RNF121: variants seen among roughly 807,000 people sequenced by gnomAD.
The protein encoded by RNF121 is E3 ubiquitin ligase RNF121.
In RNF121, 21 loss-of-function variants were observed where a neutral mutation model predicts 46.5. That is an observed-to-expected ratio of 0.45 (90% CI 0.32 to 0.65). The LOEUF (loss-of-function observed/expected upper bound fraction) is 0.65, where lower values mean the gene tolerates loss of function less well. Ranked by LOEUF, RNF121 falls within the 30% of genes least tolerant of loss-of-function variation. The probability of loss-of-function intolerance (pLI) is 0.04; values close to 1 mark genes in which losing one functional copy is unlikely to be tolerated. For synonymous variants in RNF121, 139 were observed against 144.7 expected (o/e 0.96, Z 0.28); for missense variants, 346 against 416.0 (o/e 0.83, Z 1.46).
chr11:71,968,884 C>T (rs377257567), intron 3 of RNF121, among the ~76,000 whole-genome samples: 8 of 66,988 alleles, frequency 1.2e-4, no homozygotes, highest in Middle Eastern at 9.3e-3. Flanking sequence ...TTTTTTCTTT[C>T]TTTCTTTTTT....
intron 1 of RNF121, among the ~76,000 whole-genome samples, chr11:71,932,958 C>T (rs185584471): frequency 1.8e-3 from 267 of 152,274 alleles, no homozygotes; most frequent in African/African-American, 5.9e-3. Context: ...TGGGCCTAGC[C>T]AGCTCAGCTC....
rs141501635 is a variant in RNF121 at position 71,960,819 on chromosome 11, C to T, written c.171C>T (p.Ile57=). 2.5e-6 allele frequency: 4 copies of T among 1,614,186 alleles called. No homozygotes were observed. The African/African-American group carries it at 5.3e-5, about 22-fold the overall frequency. ...CTATGCATGCTGAAATGGTCCTCAT[C>T]CTCATCGCAACCTTGGTGGTGGCCC... The part of the protein sequence containing the change: ...HEAMHAEMVL[I]LIATLVVAQL... The change falls in exon 3 of 9, where the codon ATC becomes ATT. Residue 57 remains isoleucine (I), a synonymous_variant. Transcript: ENST00000361756.
intron 1 of RNF121, among the ~76,000 whole-genome samples, chr11:71,936,016 T>A (rs987824610): frequency 6.6e-6 from 1 of 150,942 alleles, no homozygotes; most frequent in African/African-American, 2.4e-5. Context: ...CCCGGCTACT[T>A]TTTTGTATTT....
Position 71,995,468 on chromosome 11 carries a change from C to G in RNF121, c.780C>G (p.Ile260Met). 1 of 1,585,794 alleles carries G rather than the reference C, an allele frequency of 6.3e-7. No individual in the cohort carries two copies. Among genetic ancestry groups the G allele is most frequent in the Non-Finnish European group, 8.6e-7 (1 of 1,163,942 alleles). ...TGCTCAGCTTCCACGAGTTCTGCAT[C>G]CGTGGCTGGTGCATCGTGGGAAAGA... ...SCNHVFHEFC[I>M]RGWCIVGKKQ... The change falls in exon 8 of 9, where the codon ATC becomes ATG. Residue 260 changes from isoleucine to methionine, a missense_variant. Physicochemically the swap from Ile to Met is conservative, Grantham distance 10. This residue lies in a region of RNF121 where 286 missense variants were observed against 383.8 expected (regional missense o/e 0.75). Coordinates refer to ENST00000361756, the MANE Select transcript of RNF121 (RefSeq NM_018320.5).
Position 71,996,242 on chromosome 11 carries a change from G to A in RNF121, c.911G>A (p.Arg304Gln), listed in dbSNP as rs144287522. The A allele has an allele frequency of 9.9e-6, 16 of 1,614,046 alleles. No individual in the cohort carries two copies. Among genetic ancestry groups the A allele is most frequent in the East Asian group, 2.2e-5 (1 of 44,892 alleles). The change falls in exon 9 of 9, where the codon CGA (arginine) becomes CAA (glutamine). Residue 304 changes from arginine to glutamine, a missense_variant. Transcript: ENST00000361756. ...VMYGQLLDWL[R>Q]YLVAWQPVII... ...TATGGGCAACTGCTGGACTGGCTTCGATACTTGGTAGCCTGGCAGCCTGTC... is the reference window on the plus strand; with the variant it reads ...TATGGGCAACTGCTGGACTGGCTTCAATACTTGGTAGCCTGGCAGCCTGTC...
At chr11:71,949,702 A>G (rs1953817012) in intron 1 of RNF121, among the ~76,000 whole-genome samples, 1 of 151,952 alleles carries the variant, frequency 6.6e-6, no homozygotes, top group African/African-American at 2.4e-5. Flanking sequence ...TCCATCTCAA[A>G]ACACATGCAC....
chr11:71,992,772 G>C (rs1407096433), intron 6 of RNF121, among the ~76,000 whole-genome samples: 6 of 152,188 alleles, frequency 3.9e-5, no homozygotes, highest in Non-Finnish European at 8.8e-5. Context: ...TGGACATCAC[G>C]GAGAGATGCT....
intron 3 of RNF121, among the ~76,000 whole-genome samples, chr11:71,966,488 T>TC (rs1332134751): frequency 1.3e-5 from 2 of 149,108 alleles, no homozygotes; most frequent in Admixed American, 1.3e-4. Flanking sequence ...TTCTGATACT[T>TC]TTTTTTTTTA....
intron 1 of RNF121, among the ~76,000 whole-genome samples, chr11:71,940,925 T>C (rs1953553281): frequency 6.6e-6 from 1 of 152,252 alleles, no homozygotes; most frequent in African/African-American, 2.4e-5. Flanking sequence ...GAGTGAGTGG[T>C]CCAGCAAAAT....
At chr11:71,948,099 AAG>A (rs764962423) in intron 1 of RNF121, among the ~76,000 whole-genome samples, 1 of 152,226 alleles carries the variant, frequency 6.6e-6, no homozygotes, top group Non-Finnish European at 1.5e-5. Context: ...GCATATAGGA[AAG>A]AGTGAGAGAG....
intron 1 of RNF121, among the ~76,000 whole-genome samples, chr11:71,936,040 G>C (rs1364240389): frequency 6.6e-6 from 1 of 151,428 alleles, no homozygotes; most frequent in African/African-American, 2.4e-5. Flanking sequence ...GTAGAGACAG[G>C]GTTTCACCGT....
At chr11:71,952,924 C>A (rs1479915969) in intron 1 of RNF121, among the ~76,000 whole-genome samples, 2 of 152,188 alleles carry the variant, frequency 1.3e-5, no homozygotes, top group Non-Finnish European at 2.9e-5. Flanking sequence ...TCACTCTCAG[C>A]AATTTTGAAA....
intron 2 of RNF121, among the ~76,000 whole-genome samples, chr11:71,959,750 C>G (rs1954084537): frequency 1.3e-5 from 2 of 151,986 alleles, no homozygotes; most frequent in South Asian, 4.2e-4. Flanking sequence ...ATTCTCCTGC[C>G]TCAGCCTCCT....
chr11:71,936,934 T>A (rs1953430401), intron 1 of RNF121, among the ~76,000 whole-genome samples: 1 of 152,222 alleles, frequency 6.6e-6, no homozygotes, highest in Admixed American at 6.5e-5. Context: ...TGAGAATGCT[T>A]GTAGATGTGG....
At position 71,967,349 on chromosome 11, in the gene RNF121, G is replaced by GTTTTTTTTTTTT. The variant is rs770121817; in HGVS notation, c.243+6465_243+6476dup. 4.0e-3 allele frequency among the ~76,000 whole-genome samples: 401 copies of GTTTTTTTTTTTT among 100,482 alleles called. 8 individuals carry two copies. Among genetic ancestry groups the GTTTTTTTTTTTT allele is most frequent in the Non-Finnish European group, 4.9e-3 (275 of 56,396 alleles). The allele number at this position is 100,482 out of a possible 152,430, so 65.9% of individuals were successfully genotyped here. A position where few individuals can be genotyped will look rare whatever the true frequency, so the allele number is the denominator to read the frequency against. On this transcript the variant is annotated intron_variant, in intron 3 of 8. Transcript: ENST00000361756. Reference sequence around the variant, plus strand: ...GGTAATAATTATGTGGGTTTTTTTTGTTTTTTTTTTTTTTTTTTGAGACGG... The same window carrying GTTTTTTTTTTTT: ...GGTAATAATTATGTGGGTTTTTTTTGTTTTTTTTTTTTTTTTTTTTTTTTTTTTTTGAGACGG...
At chr11:71,971,176 A>G (rs1163109884) in intron 3 of RNF121, among the ~76,000 whole-genome samples, 1 of 152,038 alleles carries the variant, frequency 6.6e-6, no homozygotes, top group Non-Finnish European at 1.5e-5. Flanking sequence ...TTGAGCCTAG[A>G]GGTTCAAGAC....
intron 4 of RNF121, among the ~76,000 whole-genome samples, chr11:71,984,315 C>T (rs537798071): frequency 1.3e-5 from 2 of 152,262 alleles, no homozygotes; most frequent in South Asian, 2.1e-4. Flanking sequence ...CTCGCTCTGT[C>T]GCCCAGGCTG....
At chr11:71,992,834 A>G (rs937583084) in intron 6 of RNF121, among the ~76,000 whole-genome samples, 6 of 151,762 alleles carry the variant, frequency 4.0e-5, no homozygotes, top group African/African-American at 1.2e-4. Flanking sequence ...AAATATTTCT[A>G]TTTTTTTTTT....
intron 3 of RNF121, among the ~76,000 whole-genome samples, chr11:71,963,438 T>C (rs1235136214): frequency 1.3e-5 from 2 of 152,056 alleles, no homozygotes; most frequent in East Asian, 3.9e-4. Context: ...CTGGCCAACA[T>C]GGTGAAACCC....
Sources: gnomAD v4.1 joint callset for allele counts (sites outside exome capture counted in the v4.1 genomes callset) on GRCh38, gnomAD v4.1.1 for gene constraint, gnomAD v4.1.1 regional missense constraint, MANE v1.5 for transcripts, NCBI Gene and HGNC (gene_info 2026-07-23, HGNC 2026-07-21) for gene names.